CCDC83: variants seen among roughly 807,000 people sequenced by gnomAD.
CCDC83 encodes coiled-coil domain-containing protein 83.
A neutral mutation model predicts 50.1 loss-of-function variants in CCDC83; 54 were observed. The observed-to-expected ratio is 1.08, with a 90% confidence interval of 0.87 to 1.35. The LOEUF (loss-of-function observed/expected upper bound fraction) is 1.35, where lower values mean the gene tolerates loss of function less well. CCDC83 is among the 40% of genes most tolerant of loss of function. The probability of loss-of-function intolerance (pLI) is 0.00; values close to 1 mark genes in which losing one functional copy is unlikely to be tolerated. For missense variants in CCDC83, 518 were observed against 473.9 expected, an observed-to-expected ratio of 1.09 and a Z score of -0.86; for synonymous variants, 161 against 153.3, an observed-to-expected ratio of 1.05 and a Z score of -0.37.
rs1200165966 is a variant in CCDC83 at position 85,865,095 on chromosome 11, G to T, written c.-28-1G>T. On this transcript the variant is annotated splice_acceptor_variant, in intron 1 of 10. Transcript: ENST00000342404. LOFTEE classifies it low-confidence loss of function (5UTR_SPLICE). ...CTTTCGTATGTCTCCTTTCTAAACA[G>T]GTATATTTCTTCATAGCTAACCAGC... The T allele has an allele frequency of 7.0e-7, 1 of 1,419,316 alleles. No individual in the cohort carries two copies. The allele number at this position is 1,419,316 out of a possible 1,614,324, so 87.9% of individuals were successfully genotyped here.
intron 7 of CCDC83, among the ~76,000 whole-genome samples, chr11:85,907,312 AATTATCTGGTTTT>A (rs1223981859): frequency 6.6e-6 from 1 of 151,948 alleles, no homozygotes; most frequent in African/African-American, 2.4e-5. Context: ...GCATGATTTC[AATTATCTGGTTTT>A]ATTTAGCATG....
chr11:85,913,010 G>A (rs1304483783), intron 8 of CCDC83, among the ~76,000 whole-genome samples: 1 of 152,148 alleles, frequency 6.6e-6, no homozygotes, highest in Non-Finnish European at 1.5e-5. Flanking sequence ...TCATTGAGTT[G>A]TTTACTGTGC....
chr11:85,915,506 T>A lies in CCDC83; in HGVS notation c.874+8T>A. The A allele has an allele frequency of 6.4e-7, 1 of 1,573,040 alleles. No homozygotes were observed. The highest frequency in any genetic ancestry group is 8.7e-7 in the Non-Finnish European group (1 of 1,151,012). On this transcript the variant is annotated splice_region_variant and intron_variant, in intron 9 of 10. Coordinates refer to ENST00000342404, the MANE Select transcript of CCDC83 (RefSeq NM_001286159.2). Reference sequence around the variant, plus strand: ...TGCCAGAAACACATATAGGTATTACTTTATTGCAATAATGATGATGATTTT... The same window carrying A: ...TGCCAGAAACACATATAGGTATTACATTATTGCAATAATGATGATGATTTT...
intron 4 of CCDC83, 24 bp downstream of exon 4, chr11:85,882,699 A>G (rs749660169): frequency 1.2e-6 from 2 of 1,604,286 alleles, no homozygotes; most frequent in South Asian, 2.2e-5. Context: ...ATAGAAAACT[A>G]TCATAGAGTT....
Position 85,919,652 on chromosome 11 carries a change from T to A in CCDC83, c.*142T>A. 1.5e-6 allele frequency: 1 copy of A among 658,572 alleles called. No individual in the cohort carries two copies. The highest frequency in any genetic ancestry group is 2.6e-6 in the Non-Finnish European group (1 of 386,586). The allele number at this position is 658,572 out of a possible 1,614,324, so 40.8% of individuals were successfully genotyped here. A position where few individuals can be genotyped will look rare whatever the true frequency, so the allele number is the denominator to read the frequency against. On this transcript the variant is annotated 3_prime_UTR_variant, in exon 11 of 11. Transcript: ENST00000342404. The stretch of plus-strand genomic sequence containing the variant: ...CTAAAGGTCATATTTACATTTAAAA[T>A]CAAAGGTATTCAGCTATTCATTTAC...
chr11:85,904,989 A>C (rs774955516), intron 7 of CCDC83, among the ~76,000 whole-genome samples: 7 of 152,236 alleles, frequency 4.6e-5, no homozygotes, highest in Non-Finnish European at 1.0e-4. Flanking sequence ...CACAATTTTT[A>C]AAAAGGTATT....
rs987945743 is a variant in CCDC83, at chr11:85,899,002, G to A, written c.659G>A (p.Trp220Ter). Residue 220 changes from tryptophan to a stop codon, truncating the protein, a stop_gained, in exon 7 of 11, where the codon TGG becomes TAG. Coordinates refer to ENST00000342404, the MANE Select transcript of CCDC83 (RefSeq NM_001286159.2). LOFTEE classifies it high-confidence loss of function. ...TATCTAGAGATCTGGGAGAATGACT[G>A]GCTCAAAAAAGAGGTAAGTGGAATT... ...GSYLEIWENDWLKKEVAIHRK... is the reference protein window; with the variant it reads ...GSYLEIWEND 1 of 1,608,274 alleles carries A rather than the reference G, an allele frequency of 6.2e-7. No individual in the cohort carries two copies. The highest frequency in any genetic ancestry group is 8.5e-7 in the Non-Finnish European group (1 of 1,176,450).
chr11:85,862,997 T>C (rs925140588), intron 1 of CCDC83, among the ~76,000 whole-genome samples: 3 of 152,320 alleles, frequency 2.0e-5, no homozygotes, highest in Admixed American at 1.3e-4. Flanking sequence ...AGGTAAGTAA[T>C]TATACATTAG....
At chr11:85,875,191 G>A (rs2093262147) in intron 3 of CCDC83, among the ~76,000 whole-genome samples, 1 of 152,200 alleles carries the variant, frequency 6.6e-6, no homozygotes, top group African/African-American at 2.4e-5. Context: ...AAATGTTAGG[G>A]TGGGCACAAT....
At chr11:85,909,250 G>C (rs1472915840) in intron 7 of CCDC83, among the ~76,000 whole-genome samples, 1 of 152,146 alleles carries the variant, frequency 6.6e-6, no homozygotes, top group Non-Finnish European at 1.5e-5. Context: ...AGCAGAAAAT[G>C]TTATCATCTC....
chr11:85,902,211 G>A (rs182824035), intron 7 of CCDC83, among the ~76,000 whole-genome samples: 15 of 152,182 alleles, frequency 9.9e-5, no homozygotes, highest in African/African-American at 3.4e-4. Context: ...AAGGGAATAA[G>A]ACCCAAACTG....
intron 4 of CCDC83, among the ~76,000 whole-genome samples, chr11:85,885,754 C>T (rs2093323912): frequency 6.6e-6 from 1 of 152,126 alleles, no homozygotes; most frequent in Non-Finnish European, 1.5e-5. Context: ...AATTTACTTA[C>T]AAAAATGGTT....
At chr11:85,878,365 G>A (rs1306542150) in intron 3 of CCDC83, among the ~76,000 whole-genome samples, 3 of 152,234 alleles carry the variant, frequency 2.0e-5, no homozygotes, top group Middle Eastern at 3.4e-3. Context: ...TTAGACCCTG[G>A]CAACCATTAT....
At chr11:85,863,864 G>A (rs1400843833) in intron 1 of CCDC83, among the ~76,000 whole-genome samples, 2 of 152,218 alleles carry the variant, frequency 1.3e-5, no homozygotes. Context: ...AAGGGAAAGA[G>A]GAAGGGGCAC....
intron 2 of CCDC83, among the ~76,000 whole-genome samples, chr11:85,868,745 C>T (rs1415251996): frequency 1.3e-5 from 2 of 152,092 alleles, no homozygotes; most frequent in African/African-American, 4.8e-5. Context: ...CTCCTGGGCT[C>T]AAGGGATCAG....
At position 85,865,122 on chromosome 11, in the gene CCDC83, C is replaced by T; in HGVS notation, c.-2C>T. 1 of 1,602,102 alleles carries T rather than the reference C, an allele frequency of 6.2e-7. No individual in the cohort carries two copies. The highest frequency in any genetic ancestry group is 8.6e-7 in the Non-Finnish European group (1 of 1,169,470). On this transcript the variant is annotated 5_prime_UTR_variant, in exon 2 of 11. Coordinates refer to ENST00000342404, the MANE Select transcript of CCDC83 (RefSeq NM_001286159.2). ...TATATTTCTTCATAGCTAACCAGCA[C>T]AATGGAAAACTCAGGGAAAGCAAAT...
At chr11:85,892,887 TA>T (rs2093356641) in intron 5 of CCDC83, among the ~76,000 whole-genome samples, 1 of 152,196 alleles carries the variant, frequency 6.6e-6, no homozygotes, top group South Asian at 2.1e-4. Flanking sequence ...GTTGGAATAA[TA>T]AAGGCTTCCA....
chr11:85,856,357 T>C (rs2093141003), intron 1 of CCDC83, among the ~76,000 whole-genome samples: 1 of 152,212 alleles, frequency 6.6e-6, no homozygotes, highest in Admixed American at 6.5e-5. Context: ...AGAAGCCTTT[T>C]TGTTCTCTAC....
At position 85,882,927 on chromosome 11, in the gene CCDC83, GT is replaced by G. The variant is rs1029303069; in HGVS notation, c.343+260del. On this transcript the variant is annotated intron_variant, in intron 4 of 10. Coordinates refer to ENST00000342404, the MANE Select transcript of CCDC83 (RefSeq NM_001286159.2). ...AGAAACAGATGAAATTTATCTGACT[GT>G]TTTTTTTGGGATAGGGTGTAGTTCA... Among the ~76,000 whole-genome samples the G allele has an allele frequency of 3.3e-5, 5 of 151,890 alleles. 1 individual carries two copies. The highest frequency in any genetic ancestry group is 4.2e-4 in the South Asian group (2 of 4,796).
Sources: allele counts gnomAD v4.1 joint callset (sites outside exome capture counted in the v4.1 genomes callset), GRCh38; gene constraint gnomAD v4.1.1; transcripts MANE v1.5; gene names NCBI Gene and HGNC (gene_info 2026-07-23, HGNC 2026-07-21).